The following CDH4 variants were observed in gnomAD, a reference collection of about 807,000 sequenced individuals.
CDH4 encodes cadherin-4.
In CDH4, 33 loss-of-function variants were observed where a neutral mutation model predicts 86.0. The observed-to-expected ratio is 0.38, with a 90% CI of 0.29 to 0.51. CDH4 has a LOEUF of 0.51. CDH4 is among the 20% of genes least tolerant of loss of function. The probability of loss-of-function intolerance (pLI) is 0.86; values close to 1 mark genes in which losing one functional copy is unlikely to be tolerated. For missense variants in CDH4, 1,114 were observed against 1,307.4 expected (o/e 0.85, Z 2.28); for synonymous variants, 555 against 549.4 (o/e 1.01, Z -0.14).
chr20:61,478,130 G>A (rs531175411), intron 2 of CDH4, among the ~76,000 whole-genome samples: 20 of 152,224 alleles, frequency 1.3e-4, no homozygotes, highest in African/African-American at 4.3e-4. Context: ...CTGTGAAAAC[G>A]CCACCCCACA....
chr20:61,922,682 CCTCA>C (rs1289004029), intron 9 of CDH4, among the ~76,000 whole-genome samples: 1 of 152,250 alleles, frequency 6.6e-6, no homozygotes, highest in East Asian at 1.9e-4. Flanking sequence ...CCTGTAGCTG[CCTCA>C]CTCCAGACTG....
At chr20:61,345,371 G>A (rs1600886020) in intron 2 of CDH4, among the ~76,000 whole-genome samples, 1 of 152,200 alleles carries the variant, frequency 6.6e-6, no homozygotes, top group African/African-American at 2.4e-5. Context: ...CAAGCCCTCT[G>A]GTTTTTAAAA....
intron 7 of CDH4, among the ~76,000 whole-genome samples, chr20:61,885,867 G>C (rs1397284516): frequency 6.6e-6 from 1 of 152,228 alleles, no homozygotes; most frequent in Admixed American, 6.5e-5. Context: ...GCTTCCAAGG[G>C]GATGGAGGTT....
At chr20:61,828,051 A>C (rs184763976) in intron 4 of CDH4, among the ~76,000 whole-genome samples, 2 of 152,336 alleles carry the variant, frequency 1.3e-5, no homozygotes, top group Non-Finnish European at 2.9e-5. Context: ...CCACTGCCTC[A>C]AGGTAATATG....
At chr20:61,565,172 G>GTGA (rs1329956675) in intron 2 of CDH4, among the ~76,000 whole-genome samples, 2 of 117,016 alleles carry the variant, frequency 1.7e-5, no homozygotes, top group South Asian at 3.2e-4. Flanking sequence ...TGGTGATGGG[G>GTGA]TGGTGGTGGT....
At chr20:61,820,817 A>T (rs1486810312) in intron 4 of CDH4, among the ~76,000 whole-genome samples, 1 of 152,146 alleles carries the variant, frequency 6.6e-6, no homozygotes, top group East Asian at 1.9e-4. Flanking sequence ...CCTTCCCAGG[A>T]TCAGCTCAAG....
chr20:61,334,172 C>T (rs2084603933), intron 2 of CDH4, among the ~76,000 whole-genome samples: 3 of 152,310 alleles, frequency 2.0e-5, no homozygotes, highest in African/African-American at 7.2e-5. Flanking sequence ...TTCTGTAACC[C>T]CCCAAGTCTG....
At chr20:61,577,200 G>A (rs1432941523) in intron 2 of CDH4, among the ~76,000 whole-genome samples, 1 of 151,816 alleles carries the variant, frequency 6.6e-6, no homozygotes, top group Non-Finnish European at 1.5e-5. Context: ...TGAAGGTTGA[G>A]TATATGTTTG....
At chr20:61,296,289 GT>G (rs1413773412) in intron 2 of CDH4, among the ~76,000 whole-genome samples, 28 of 150,270 alleles carry the variant, frequency 1.9e-4, no homozygotes, top group Middle Eastern at 3.4e-3. Context: ...GGGTGCGTGT[GT>G]GTGTGTGCGT....
chr20:61,713,200 G>A (rs1022447377), intron 2 of CDH4, among the ~76,000 whole-genome samples: 1 of 152,198 alleles, frequency 6.6e-6, no homozygotes, highest in Non-Finnish European at 1.5e-5. Flanking sequence ...CTCACAAAAT[G>A]GACTGCATCT....
intron 2 of CDH4, among the ~76,000 whole-genome samples, chr20:61,469,261 A>T (rs146967898): frequency 6.6e-6 from 1 of 152,308 alleles, no homozygotes; most frequent in African/African-American, 2.4e-5. Context: ...TTTAACTGGG[A>T]TGAAATGATA....
chr20:61,774,248 G>A (rs1600973642), intron 4 of CDH4, among the ~76,000 whole-genome samples: 2 of 152,220 alleles, frequency 1.3e-5, no homozygotes, highest in African/African-American at 2.4e-5. Context: ...GGGCCAGGCA[G>A]GTTTGGAGAT....
chr20:61,852,795 G>A lies in CDH4; in HGVS notation c.774G>A (p.Glu258=), dbSNP rs1431138523. ...TGGACATGAATGGCAACAAGGTGGA[G>A]AACCCCATCGACCTGTACATCTACG... ...HAVDMNGNKV[E]NPIDLYIYVI... Residue 258 remains glutamate (E), a synonymous_variant, in exon 6 of 16, where the codon GAG becomes GAA. Coordinates refer to ENST00000614565, the MANE Select transcript of CDH4 (RefSeq NM_001794.5). 5 of 1,614,006 alleles carry A rather than the reference G, an allele frequency of 3.1e-6. No homozygotes were observed. The South Asian group carries it at 4.4e-5, about 14-fold the overall frequency.
chr20:61,674,669 A>G (rs573091604), intron 2 of CDH4, among the ~76,000 whole-genome samples: 2 of 152,370 alleles, frequency 1.3e-5, no homozygotes, highest in African/African-American at 2.4e-5. Context: ...AACCCAATAT[A>G]TCCAAAATGT....
At chr20:61,892,544 T>C (rs1399328993) in intron 7 of CDH4, among the ~76,000 whole-genome samples, 1 of 151,826 alleles carries the variant, frequency 6.6e-6, no homozygotes, top group East Asian at 1.9e-4. Context: ...GAGAATTCCA[T>C]GGGAAAGGGA....
At chr20:61,432,150 T>C (rs2085250888) in intron 2 of CDH4, among the ~76,000 whole-genome samples, 1 of 152,254 alleles carries the variant, frequency 6.6e-6, no homozygotes, top group Non-Finnish European at 1.5e-5. Flanking sequence ...GGGTAAATGC[T>C]ATGAAGGGAG....
intron 2 of CDH4, among the ~76,000 whole-genome samples, chr20:61,613,579 GA>G (rs965386937): frequency 6.5e-4 from 76 of 116,398 alleles, no homozygotes; most frequent in African/African-American, 2.3e-3. Flanking sequence ...ACAAAATCTG[GA>G]AAAAAGGCTT....
rs2055250724 is a variant in CDH4 at position 61,940,454 on chromosome 20, CAAAAAAAAAAA to C, written c.*3512_*3522del. 1 of 135,712 alleles carries C rather than the reference CAAAAAAAAAAA, an allele frequency of 7.4e-6. No homozygotes were observed. Among genetic ancestry groups the C allele is most frequent in the Non-Finnish European group, 1.6e-5 (1 of 62,426 alleles). 8.4% of individuals were successfully genotyped at this position (135,712 alleles called of 1,614,324 possible). A position where few individuals can be genotyped will look rare whatever the true frequency, so the allele number is the denominator to read the frequency against. The stretch of plus-strand genomic sequence containing the variant: ...TATTGTTGTTTGTATCATTTTGTAC[CAAAAAAAAAAA>C]GGAAAAAAAAAGGGAAGAGAGTTGA... On this transcript the variant is annotated 3_prime_UTR_variant, in exon 16 of 16. Transcript: ENST00000614565.
At chr20:61,881,580 G>GA (rs1371737362) in intron 7 of CDH4, among the ~76,000 whole-genome samples, 1 of 152,206 alleles carries the variant, frequency 6.6e-6, no homozygotes, top group Admixed American at 6.5e-5. Context: ...TTTGGAACTG[G>GA]GCCCAGGCGG....
Sources: allele counts gnomAD v4.1 joint callset (sites outside exome capture counted in the v4.1 genomes callset), GRCh38; gene constraint gnomAD v4.1.1; transcripts MANE v1.5; gene names NCBI Gene and HGNC (gene_info 2026-07-23, HGNC 2026-07-21).